Variants in CYP51A1 observed in about 807,000 individuals in gnomAD.
CYP51A1 encodes lanosterol 14-alpha demethylase.
A neutral mutation model predicts 53.5 loss-of-function variants in CYP51A1; 45 were observed. The ratio of observed to expected loss-of-function variants is 0.84; its 90% CI spans 0.66 to 1.08. The LOEUF (loss-of-function observed/expected upper bound fraction) is 1.08. Among genes scored for constraint, CYP51A1 ranks in the 50% least tolerant of loss-of-function variants. The pLI, the probability that CYP51A1 is intolerant of heterozygous loss-of-function variation, is 0.00. For synonymous variants in CYP51A1, 181 were observed against 217.7 expected, an observed-to-expected ratio of 0.83 and a Z score of 1.48; for missense variants, 462 against 621.7, an observed-to-expected ratio of 0.74 and a Z score of 2.73.
At chr7:92,120,016 G>T (rs541498399) in intron 7 of CYP51A1, among the ~76,000 whole-genome samples, 107 of 151,970 alleles carry the variant, frequency 7.0e-4, no homozygotes, top group African/African-American at 2.5e-3. Context: ...GCAGAAGAAA[G>T]AATAACATCA....
At position 92,131,681 on chromosome 7, in the gene CYP51A1, GT is replaced by G. The variant is rs912653605; in HGVS notation, c.291+92del. On this transcript the variant is annotated intron_variant, in intron 2 of 9. Transcript: ENST00000003100. ...CTGAGGATATGTATATGATTACAAT[GT>G]TTTTAAATGTTCTGCCACTTTTTTA... 13 of 670,196 alleles carry G rather than the reference GT, an allele frequency of 1.9e-5. No homozygotes were observed. In the East Asian group the frequency reaches 2.5e-4, roughly 13 times the overall value. The allele number at this position is 670,196 out of a possible 1,614,324, so 41.5% of individuals were successfully genotyped here.
chr7:92,134,424 G>C lies in CYP51A1; in HGVS notation c.-60C>G, dbSNP rs561760790. On this transcript the variant is annotated 5_prime_UTR_variant, in exon 1 of 10. Transcript: ENST00000003100. ...CACCGCTCCTCCCAATCGACGGAAC[G>C]AGAGAAGCTGGCAGATGGTCGTCCA... is the stretch of plus-strand genomic sequence containing the variant. 4.1e-6 allele frequency: 6 copies of C among 1,471,132 alleles called. No homozygotes were observed. Among genetic ancestry groups the C allele is most frequent in the East Asian group, 2.5e-5 (1 of 39,990 alleles). 91.1% of individuals were successfully genotyped at this position (1,471,132 alleles called of 1,614,324 possible).
intron 3 of CYP51A1, among the ~76,000 whole-genome samples, chr7:92,127,982 T>C (rs1208632487): frequency 2.0e-5 from 3 of 152,234 alleles, no homozygotes; most frequent in Admixed American, 6.5e-5. Context: ...CCAGAGCCCA[T>C]ACCAAGCATT....
intron 2 of CYP51A1, among the ~76,000 whole-genome samples, chr7:92,131,157 C>T (rs1211065150): frequency 6.6e-6 from 1 of 152,114 alleles, no homozygotes; most frequent in Non-Finnish European, 1.5e-5. Context: ...ATGCAAGATC[C>T]AATGAGGTCA....
chr7:92,121,116 C>T (rs1296473005), intron 7 of CYP51A1, among the ~76,000 whole-genome samples: 2 of 152,150 alleles, frequency 1.3e-5, no homozygotes, highest in South Asian at 4.2e-4. Context: ...ATGGTACAAC[C>T]TTGTCTCTAC....
intron 9 of CYP51A1, among the ~76,000 whole-genome samples, 165 bp from the exon 10 acceptor site, chr7:92,114,008 G>T (rs1402621119): frequency 6.6e-6 from 1 of 152,072 alleles, no homozygotes; most frequent in Non-Finnish European, 1.5e-5. Flanking sequence ...AAAAATTCCA[G>T]GAGATTTTCA....
chr7:92,123,923 GA>G, intron 5 of CYP51A1, 70 bp from the exon 6 acceptor site: 1 of 1,322,968 alleles, frequency 7.6e-7, no homozygotes, highest in Non-Finnish European at 1.0e-6. Flanking sequence ...TTCATTTTGA[GA>G]ACCAGGACCG....
chr7:92,122,041 C>T (rs1819703633), intron 7 of CYP51A1, among the ~76,000 whole-genome samples: 2 of 151,856 alleles, frequency 1.3e-5, no homozygotes, highest in South Asian at 4.2e-4. Flanking sequence ...ACTGAGCTTA[C>T]AGAAATAAAA....
At position 92,118,511 on chromosome 7, in the gene CYP51A1, G is replaced by A. The variant is rs755338519; in HGVS notation, c.1182+9C>T. The A allele has an allele frequency of 2.0e-6, 3 of 1,468,244 alleles. No homozygotes were observed. Among genetic ancestry groups the A allele is most frequent in the Non-Finnish European group, 2.9e-6 (3 of 1,048,602 alleles). 91.0% of individuals were successfully genotyped at this position (1,468,244 alleles called of 1,614,324 possible). On this transcript the variant is annotated intron_variant, in intron 8 of 9. Transcript: ENST00000003100. ...GGTATAGAGGGGAAGATGTAGCCAA[G>A]ATACTCACCTGAGGAGTTCTGGCCA... is the stretch of plus-strand genomic sequence containing the variant.
At chr7:92,134,510 G>C (rs768872365), upstream of CYP51A1, 10 of 774,500 alleles carry the variant, frequency 1.3e-5, no homozygotes, top group African/African-American at 1.8e-5. Context: ...TCCCACGCGC[G>C]CCACCCCGTG....
chr7:92,115,574 C>G (rs1216588675), intron 9 of CYP51A1, among the ~76,000 whole-genome samples: 2 of 152,198 alleles, frequency 1.3e-5, no homozygotes, highest in Admixed American at 1.3e-4. Flanking sequence ...TGATTTCACA[C>G]TTCCAGCCTC....
At chr7:92,116,480 A>G (rs1459748660) in intron 9 of CYP51A1, among the ~76,000 whole-genome samples, 1 of 152,210 alleles carries the variant, frequency 6.6e-6, no homozygotes, top group Non-Finnish European at 1.5e-5. Flanking sequence ...CAGAGAACCA[A>G]TGGACAGAGA....
At chr7:92,126,620 A>C (rs1488035166) in intron 4 of CYP51A1, among the ~76,000 whole-genome samples, 193 bp from the exon 5 acceptor site, 1 of 152,222 alleles carries the variant, frequency 6.6e-6, no homozygotes, top group African/African-American at 2.4e-5. Context: ...CTGTCCCTCT[A>C]AACAGCCAAA....
At chr7:92,115,108 C>A (rs1819557573) in intron 9 of CYP51A1, among the ~76,000 whole-genome samples, 1 of 152,100 alleles carries the variant, frequency 6.6e-6, no homozygotes, top group Non-Finnish European at 1.5e-5. Flanking sequence ...TGATGATTCA[C>A]AAAATGTAAT....
chr7:92,127,767 A>G (rs1319372766), intron 3 of CYP51A1, 136 bp from the exon 4 acceptor site: 1 of 800,186 alleles, frequency 1.2e-6, no homozygotes, highest in Non-Finnish European at 2.0e-6. Flanking sequence ...ACATTTTAAG[A>G]GTCTAAATGA....
intron 7 of CYP51A1, among the ~76,000 whole-genome samples, chr7:92,120,379 C>G (rs979705569): frequency 6.6e-6 from 1 of 152,228 alleles, no homozygotes; most frequent in African/African-American, 2.4e-5. Context: ...GTAATGGCAT[C>G]AGACTAAACA....
rs1002708046 is a variant in CYP51A1 at position 92,113,056 on chromosome 7, A to T, written c.*609T>A. 1 of 152,176 alleles carries T rather than the reference A, an allele frequency of 6.6e-6. No homozygotes were observed. The highest frequency in any genetic ancestry group is 1.5e-5 in the Non-Finnish European group (1 of 68,062). The allele number at this position is 152,176 out of a possible 1,614,324, so 9.4% of individuals were successfully genotyped here. A position where few individuals can be genotyped will look rare whatever the true frequency, so the allele number is the denominator to read the frequency against. ...GAACTCTTATCAAATATGGTCCTGG[A>T]TCTCTTAATTTCCCATATGCAGTGA... On this transcript the variant is annotated 3_prime_UTR_variant, in exon 10 of 10. Transcript: ENST00000003100.
At chr7:92,132,557 C>T in intron 1 of CYP51A1, among the ~76,000 whole-genome samples, 1 of 152,198 alleles carries the variant, frequency 6.6e-6, no homozygotes, top group East Asian at 1.9e-4. Context: ...AGAGGGCCCA[C>T]TATATTGTTT....
At position 92,112,681 on chromosome 7, in the gene CYP51A1, T is replaced by C. The variant is rs563697409; in HGVS notation, c.*984A>G. The C allele has an allele frequency of 5.3e-5, 8 of 152,032 alleles. No individual in the cohort carries two copies. The East Asian group carries it at 1.4e-3, about 26-fold the overall frequency. The allele number at this position is 152,032 out of a possible 1,614,324, so 9.4% of individuals were successfully genotyped here. On this transcript the variant is annotated 3_prime_UTR_variant, in exon 10 of 10. Coordinates refer to ENST00000003100, the MANE Select transcript of CYP51A1 (RefSeq NM_000786.4). ...CCGTCTCTACTAAAAATACAAAAAA[T>C]TAGCCAGGCATGGTGGCAGGTGCCT... is the stretch of plus-strand genomic sequence containing the variant.
Sources: allele counts gnomAD v4.1 joint callset (sites outside exome capture counted in the v4.1 genomes callset), GRCh38; gene constraint gnomAD v4.1.1; transcripts MANE v1.5; gene names NCBI Gene and HGNC (gene_info 2026-07-23, HGNC 2026-07-21).